SLC5A12: variants seen among roughly 807,000 people sequenced by gnomAD.
SLC5A12 encodes the protein sodium-coupled monocarboxylate transporter 2.
Under a neutral mutation model 72.7 loss-of-function variants are expected in SLC5A12, and 46 were observed. The observed-to-expected ratio is 0.63, with a 90% CI of 0.50 to 0.81. The LOEUF (loss-of-function observed/expected upper bound fraction) is 0.81. SLC5A12 is among the 30% of genes least tolerant of loss of function. SLC5A12 has a pLI of 0.00. For synonymous variants in SLC5A12, 275 were observed against 264.4 expected (o/e 1.04, Z -0.39); for missense variants, 683 against 740.7 (o/e 0.92, Z 0.90).
At chr11:26,692,726 A>G (rs1306811952) in intron 8 of SLC5A12, 125 bp from the exon 9 acceptor site, 2 of 614,730 alleles carry the variant, frequency 3.3e-6, no homozygotes, top group South Asian at 2.0e-5. Context: ...ATATATCTCT[A>G]TCTTCTGAGA....
chr11:26,709,307 C>T lies in SLC5A12; in HGVS notation c.525+5G>A, dbSNP rs1335716907. On this transcript the variant is annotated splice_donor_5th_base_variant and intron_variant, in intron 4 of 14. Coordinates refer to ENST00000396005, the MANE Select transcript of SLC5A12 (RefSeq NM_178498.4). ...TTAAATACTTCTTCACAGCTAGATA[C>T]ATACCAGGGTACAGTAGAATGTGCA... The T allele has an allele frequency of 1.9e-6, 3 of 1,606,670 alleles. No homozygotes were observed. The highest frequency in any genetic ancestry group is 2.7e-5 in the African/African-American group (2 of 74,698).
At chr11:26,686,445 A>T in intron 10 of SLC5A12, 32 bp downstream of exon 10, 1 of 1,610,312 alleles carries the variant, frequency 6.2e-7, no homozygotes, top group Non-Finnish European at 8.5e-7. Context: ...AGTTCCAGTG[A>T]AACCAAATGT....
intron 10 of SLC5A12, among the ~76,000 whole-genome samples, chr11:26,684,780 G>A (rs1343307355): frequency 6.6e-6 from 1 of 152,088 alleles, no homozygotes. Context: ...AAATATCTCT[G>A]GAAGAAAACA....
Position 26,698,471 on chromosome 11 carries a change from T to G in SLC5A12, c.886A>C (p.Ile296Leu), listed in dbSNP as rs752491308. Residue 296 changes from isoleucine to leucine, a missense_variant, in exon 7 of 15, where the codon ATC becomes CTC. Coordinates refer to ENST00000396005, the MANE Select transcript of SLC5A12 (RefSeq NM_178498.4). ...CAGTCTTTAAAGTGAGAGTACATGA[T>G]TAAGCCAGAGAAGACAGCACACACC... ...ILVCAVFSGL[I>L]MYSHFKDCDP... The G allele has an allele frequency of 3.7e-6, 6 of 1,613,978 alleles. No homozygotes were observed. Among genetic ancestry groups the G allele is most frequent in the Non-Finnish European group, 5.1e-6 (6 of 1,179,946 alleles).
chr11:26,671,125 C>T lies in SLC5A12; in HGVS notation c.1834G>A (p.Ala612Thr), dbSNP rs747455778. ...CCTTAGAAATGGGTAGTCTCAAATGCCATATTGTTGTAGCTTTTGTCCTTA... is the reference window on the plus strand; with the variant it reads ...CCTTAGAAATGGGTAGTCTCAAATGTCATATTGTTGTAGCTTTTGTCCTTA... ...DPKDKSYNNM[A>T]FETTHF The change falls in exon 15 of 15, where the codon GCA becomes ACA. Residue 612 changes from alanine (A) to threonine (T), a missense_variant. Coordinates refer to ENST00000396005, the MANE Select transcript of SLC5A12 (RefSeq NM_178498.4). 8.1e-6 allele frequency: 13 copies of T among 1,611,510 alleles called. No homozygotes were observed. Among genetic ancestry groups the T allele is most frequent in the Non-Finnish European group, 1.1e-5 (13 of 1,178,746 alleles).
intron 8 of SLC5A12, among the ~76,000 whole-genome samples, chr11:26,694,191 C>T (rs948571938): frequency 5.9e-5 from 9 of 152,100 alleles, no homozygotes; most frequent in Non-Finnish European, 1.2e-4. Flanking sequence ...TTTCCCCTAC[C>T]TCTCAACCAC....
rs2133123378 is a variant in SLC5A12, at chr11:26,669,621, A to C, written c.*1481T>G. ...GGCAAGGATTGGGCTCTGTTTTATAAACTCCAGTTTCTCTGTTTTAATTCC... is the reference window on the plus strand; with the variant it reads ...GGCAAGGATTGGGCTCTGTTTTATACACTCCAGTTTCTCTGTTTTAATTCC... On this transcript the variant is annotated 3_prime_UTR_variant, in exon 15 of 15. Transcript: ENST00000396005. 1 of 151,974 alleles carries C rather than the reference A, an allele frequency of 6.6e-6. No homozygotes were observed. The highest frequency in any genetic ancestry group is 2.1e-4 in the South Asian group (1 of 4,804). The allele number at this position is 151,974 out of a possible 1,614,324, so 9.4% of individuals were successfully genotyped here. A position where few individuals can be genotyped will look rare whatever the true frequency, so the allele number is the denominator to read the frequency against.
intron 6 of SLC5A12, among the ~76,000 whole-genome samples, chr11:26,700,598 C>T (rs1009793400): frequency 1.3e-5 from 2 of 151,340 alleles, no homozygotes; most frequent in Non-Finnish European, 2.9e-5. Flanking sequence ...AATGGAAATG[C>T]AACTGTGTGT....
chr11:26,717,157 A>T (rs1246700843), intron 1 of SLC5A12, among the ~76,000 whole-genome samples: 3 of 152,222 alleles, frequency 2.0e-5, no homozygotes, highest in African/African-American at 7.2e-5. Flanking sequence ...TTGAAGGAGA[A>T]CTAAAAGGAA....
chr11:26,692,303 C>T (rs1258584535), intron 9 of SLC5A12, 186 bp downstream of exon 9: 4 of 577,244 alleles, frequency 6.9e-6, no homozygotes, highest in Non-Finnish European at 1.2e-5. Context: ...GGTAAACTAG[C>T]TAGTCATTCT....
At chr11:26,711,938 C>T (rs544449099) in intron 2 of SLC5A12, among the ~76,000 whole-genome samples, 3 of 152,126 alleles carry the variant, frequency 2.0e-5, no homozygotes, top group Non-Finnish European at 4.4e-5. Context: ...GGAATTTCAC[C>T]ATGTAGAGAT....
chr11:26,686,464 C>G lies in SLC5A12; in HGVS notation c.1221+13G>C, dbSNP rs780800394. The G allele has an allele frequency of 1.2e-6, 2 of 1,613,224 alleles. No homozygotes were observed. ...CCAGTGAAACCAAATGTGTCTTTTC[C>G]TTCTTTCGTTACCTGCACAACACCT... On this transcript the variant is annotated intron_variant, in intron 10 of 14. Transcript: ENST00000396005.
chr11:26,673,414 A>G lies in SLC5A12; in HGVS notation c.1695T>C (p.Ser565=), dbSNP rs750913436. 13 of 1,599,422 alleles carry G rather than the reference A, an allele frequency of 8.1e-6. No homozygotes were observed. The highest frequency in any genetic ancestry group is 1.1e-5 in the Non-Finnish European group (13 of 1,173,502). The change falls in exon 14 of 15, where the codon AGT becomes AGC. Residue 565 remains serine, a synonymous_variant. Coordinates refer to ENST00000396005, the MANE Select transcript of SLC5A12 (RefSeq NM_178498.4). ...AACATCAGCTCACCTGCTCTGTCCCACTGTCATGCTGAACTCCACACCAGC... is the reference window on the plus strand; with the variant it reads ...AACATCAGCTCACCTGCTCTGTCCCGCTGTCATGCTGAACTCCACACCAGC... ...TLCWCGVQHD[S]GTEQENLENG...
intron 9 of SLC5A12, among the ~76,000 whole-genome samples, chr11:26,690,744 T>A (rs1287993902): frequency 1.3e-5 from 2 of 150,018 alleles, no homozygotes; most frequent in Non-Finnish European, 3.0e-5. Context: ...GAGGTGGAGG[T>A]TGCAGTGAGC....
At chr11:26,706,496 T>A (rs925384688) in intron 4 of SLC5A12, among the ~76,000 whole-genome samples, 6 of 152,084 alleles carry the variant, frequency 3.9e-5, no homozygotes, top group African/African-American at 1.4e-4. Flanking sequence ...TCTGATGTCA[T>A]GTTTTTTGGT....
rs928671919 is a variant in SLC5A12 at position 26,669,108 on chromosome 11, C to T, written c.*1994G>A. ...ATGTAATACCTACCATTAATTTATT[C>T]TCATCCTCAGAATTGCTGTTTTTTT... On this transcript the variant is annotated 3_prime_UTR_variant, in exon 15 of 15. Coordinates refer to ENST00000396005, the MANE Select transcript of SLC5A12 (RefSeq NM_178498.4). The T allele has an allele frequency of 1.3e-5, 2 of 151,044 alleles. No homozygotes were observed. Among genetic ancestry groups the T allele is most frequent in the African/African-American group, 4.9e-5 (2 of 41,118 alleles). The allele number at this position is 151,044 out of a possible 1,614,324, so 9.4% of individuals were successfully genotyped here. A position where few individuals can be genotyped will look rare whatever the true frequency, so the allele number is the denominator to read the frequency against.
At chr11:26,673,670 T>C in intron 13 of SLC5A12, 141 bp from the exon 14 acceptor site, 2 of 1,136,846 alleles carry the variant, frequency 1.8e-6, no homozygotes, top group Non-Finnish European at 2.4e-6. Flanking sequence ...TAAACAGAAA[T>C]TGGTTAACTG....
intron 13 of SLC5A12, among the ~76,000 whole-genome samples, chr11:26,676,353 A>G (rs1352699169): frequency 7.2e-6 from 1 of 139,030 alleles, no homozygotes; most frequent in Non-Finnish European, 1.6e-5. Flanking sequence ...CTCTGTTTCT[A>G]GAAAACAAAA....
intron 10 of SLC5A12, among the ~76,000 whole-genome samples, chr11:26,684,056 G>T (rs1244809569): frequency 6.8e-6 from 1 of 148,136 alleles, no homozygotes; most frequent in Non-Finnish European, 1.5e-5. Flanking sequence ...GTGTGTGTTT[G>T]TATAGTAGAA....
Sources: gnomAD v4.1 joint callset for allele counts (sites outside exome capture counted in the v4.1 genomes callset) on GRCh38, gnomAD v4.1.1 for gene constraint, MANE v1.5 for transcripts, NCBI Gene and HGNC (gene_info 2026-07-23, HGNC 2026-07-21) for gene names.